CYP2J2: variants seen among roughly 807,000 people sequenced by gnomAD.
CYP2J2 encodes the protein cytochrome P450 family 2 subfamily J member 2.
In CYP2J2, 41 loss-of-function variants were observed where a neutral mutation model predicts 48.8. That is an observed-to-expected ratio of 0.84 (90% CI 0.66 to 1.09). The LOEUF (loss-of-function observed/expected upper bound fraction) is 1.09. Ranked by LOEUF, CYP2J2 falls within the 50% of genes least tolerant of loss-of-function variation. The probability of loss-of-function intolerance (pLI) is 0.00; values close to 1 mark genes in which losing one functional copy is unlikely to be tolerated. For synonymous variants in CYP2J2, 221 were observed against 227.1 expected, an observed-to-expected ratio of 0.97 and a Z score of 0.24; for missense variants, 644 against 617.3, an observed-to-expected ratio of 1.04 and a Z score of -0.46.
intron 6 of CYP2J2, among the ~76,000 whole-genome samples, chr1:59,906,054 C>T (rs956786989): frequency 2.6e-5 from 4 of 152,186 alleles, no homozygotes; most frequent in East Asian, 1.9e-4. Context: ...GGCGTGGTGG[C>T]GGGCGCCTGT....
chr1:59,907,956 A>G (rs538680623), intron 5 of CYP2J2, 29 bp from the exon 6 acceptor site: 2 of 1,611,874 alleles, frequency 1.2e-6, no homozygotes, highest in African/African-American at 1.3e-5. Context: ...GATGTTATTT[A>G]TTGGTTTATT....
chr1:59,893,677 G>A lies in CYP2J2; in HGVS notation c.1483C>T (p.Arg495Cys), dbSNP rs144581123. Residue 495 changes from arginine to cysteine, a missense_variant, in exon 9 of 9, where the codon CGC becomes TGC. Arg to Cys is a radical substitution (Grantham distance 180). Transcript: ENST00000371204. ...MGITISPVSH[R>C]LCAVPQV ...TACACCTGAGGAACAGCGCAGAGGC[G>A]GTGACTGACTGGGGAAATGGTGATA... is the stretch of plus-strand genomic sequence containing the variant. 35 of 1,612,316 alleles carry A rather than the reference G, an allele frequency of 2.2e-5. No homozygotes were observed. Among genetic ancestry groups the A allele is most frequent in the African/African-American group, 4.0e-5 (3 of 74,898 alleles).
chr1:59,896,838 C>T (rs760637873), intron 8 of CYP2J2, among the ~76,000 whole-genome samples: 1 of 152,166 alleles, frequency 6.6e-6, no homozygotes, highest in Non-Finnish European at 1.5e-5. Flanking sequence ...CTAGACAAAA[C>T]CATTGTCAAC....
the CYP2J2 span, among the ~76,000 whole-genome samples, chr1:59,960,301 C>T: frequency 4.6e-5 from 7 of 152,304 alleles, no homozygotes; most frequent in African/African-American, 1.4e-4. Flanking sequence ...AAGACCAATG[C>T]TATAGAATTA....
chr1:59,951,397 T>C, the CYP2J2 span, among the ~76,000 whole-genome samples: 13 of 152,172 alleles, frequency 8.5e-5, no homozygotes, highest in African/African-American at 3.1e-4. Context: ...TAAACTTTCA[T>C]AGCATTTCTC....
chr1:59,897,127 G>A (rs1644276395), intron 8 of CYP2J2, among the ~76,000 whole-genome samples: 1 of 152,204 alleles, frequency 6.6e-6, no homozygotes, highest in African/African-American at 2.4e-5. Context: ...CCAACAGTGT[G>A]TGTCTAATTC....
chr1:59,915,460 T>C (rs1397072299), intron 2 of CYP2J2, among the ~76,000 whole-genome samples: 1 of 151,612 alleles, frequency 6.6e-6, no homozygotes, highest in Non-Finnish European at 1.5e-5. Context: ...TTTTAAGTGT[T>C]CATGCCAATC....
At chr1:59,963,613 C>A in the CYP2J2 span, among the ~76,000 whole-genome samples, 1 of 151,890 alleles carries the variant, frequency 6.6e-6, no homozygotes. Flanking sequence ...TAGTTTTGAC[C>A]CTTGGGCTAT....
the CYP2J2 span, among the ~76,000 whole-genome samples, chr1:59,935,865 C>T: frequency 6.6e-6 from 1 of 152,192 alleles, no homozygotes; most frequent in Non-Finnish European, 1.5e-5. Context: ...CCTCCTTCTC[C>T]CAGGTTCAAG....
At chr1:59,961,769 A>G in the CYP2J2 span, among the ~76,000 whole-genome samples, 1 of 152,106 alleles carries the variant, frequency 6.6e-6, no homozygotes, top group Admixed American at 6.5e-5. Context: ...TCCATACAAT[A>G]TTATAATTAT....
At chr1:59,941,009 G>C in the CYP2J2 span, among the ~76,000 whole-genome samples, 735 of 152,302 alleles carry the variant, frequency 4.8e-3, 7 homozygotes, top group South Asian at 0.036. Context: ...AGGGATGAAG[G>C]AGAAAGAGAG....
the CYP2J2 span, among the ~76,000 whole-genome samples, chr1:59,941,519 C>T: frequency 1.3e-5 from 2 of 152,092 alleles, no homozygotes; most frequent in Non-Finnish European, 2.9e-5. Flanking sequence ...TTAGAGTGTA[C>T]TCCTTCCACT....
the CYP2J2 span, among the ~76,000 whole-genome samples, chr1:59,961,939 T>C: frequency 1.3e-5 from 2 of 151,650 alleles, no homozygotes; most frequent in African/African-American, 4.8e-5. Context: ...ACTTCCAGAA[T>C]AGGGAAATCT....
At chr1:59,951,511 C>A in the CYP2J2 span, among the ~76,000 whole-genome samples, 1 of 152,188 alleles carries the variant, frequency 6.6e-6, no homozygotes, top group African/African-American at 2.4e-5. Flanking sequence ...TGGTCCTTAT[C>A]TTCCCTGTAA....
rs1408807467 is a variant in CYP2J2, at chr1:59,912,175, T to C, written c.510A>G (p.Ile170Met). 1 of 1,613,148 alleles carries C rather than the reference T, an allele frequency of 6.2e-7. No individual in the cohort carries two copies. The highest frequency in any genetic ancestry group is 8.5e-7 in the Non-Finnish European group (1 of 1,179,596). Reference protein sequence around the residue: ...QEEAQHLTEAIKEENGQPFDP... With the variant: ...QEEAQHLTEAMKEENGQPFDP... ...TGCAATGCTCACCGTTCTCCTCTTTTATTGCTTCAGTGAGGTGTTGGGCCT... is the reference window on the plus strand; with the variant it reads ...TGCAATGCTCACCGTTCTCCTCTTTCATTGCTTCAGTGAGGTGTTGGGCCT... The change falls in exon 3 of 9, where the codon ATA becomes ATG. Residue 170 changes from isoleucine (I) to methionine (M), a missense_variant. Ile to Met is a conservative substitution (Grantham distance 10). Coordinates refer to ENST00000371204, the MANE Select transcript of CYP2J2 (RefSeq NM_000775.4).
chr1:59,939,130 A>G, the CYP2J2 span, among the ~76,000 whole-genome samples: 1 of 152,232 alleles, frequency 6.6e-6, no homozygotes, highest in Non-Finnish European at 1.5e-5. Context: ...TTACACAGAC[A>G]CAGTAACAGT....
intron 8 of CYP2J2, among the ~76,000 whole-genome samples, chr1:59,899,577 GTGTGGGTC>G (rs1644299492): frequency 6.6e-6 from 1 of 152,206 alleles, no homozygotes; most frequent in South Asian, 2.1e-4. Flanking sequence ...GCATTCCACA[GTGTGGGTC>G]TGTGTAGTAT....
intron 5 of CYP2J2, among the ~76,000 whole-genome samples, chr1:59,908,807 G>A (rs560989521): frequency 9.6e-4 from 146 of 152,304 alleles, no homozygotes; most frequent in African/African-American, 3.2e-3. Flanking sequence ...TAAAGGTCAC[G>A]CATCCCATTT....
chr1:59,965,095 TATA>T, the CYP2J2 span, among the ~76,000 whole-genome samples: 1 of 152,174 alleles, frequency 6.6e-6, no homozygotes, highest in Admixed American at 6.5e-5. Flanking sequence ...AAAGAGTAAT[TATA>T]ATGTGTTAGA....
Sources: allele counts gnomAD v4.1 joint callset (sites outside exome capture counted in the v4.1 genomes callset), GRCh38; gene constraint gnomAD v4.1.1; transcripts MANE v1.5; gene names NCBI Gene and HGNC (gene_info 2026-07-23, HGNC 2026-07-21).